The following VNN2 variants were observed in gnomAD, a reference collection of about 807,000 sequenced individuals.
VNN2 encodes the protein pantetheine hydrolase VNN2.
Under a neutral mutation model 43.0 loss-of-function variants are expected in VNN2, and 43 were observed. The observed-to-expected ratio is 1.00, with a 90% CI of 0.78 to 1.29. The LOEUF (loss-of-function observed/expected upper bound fraction) is 1.29. VNN2 is among the 50% of genes most tolerant of loss of function. The pLI, the probability that VNN2 is intolerant of heterozygous loss-of-function variation, is 0.00. For synonymous variants in VNN2, 230 were observed against 224.3 expected (o/e 1.03, Z -0.23); for missense variants, 652 against 619.7 (o/e 1.05, Z -0.55).
At chr6:132,745,596 C>A (rs967851008) in intron 6 of VNN2, among the ~76,000 whole-genome samples, 1 of 152,260 alleles carries the variant, frequency 6.6e-6, no homozygotes, top group Middle Eastern at 3.4e-3. Flanking sequence ...TAAGTCAGGG[C>A]TTTTTGTTTT....
chr6:132,757,942 G>A, upstream of VNN2: 7 of 1,431,472 alleles, frequency 4.9e-6, no homozygotes, highest in Non-Finnish European at 6.6e-6. Flanking sequence ...TTTACAGAGG[G>A]GAGAATGTTT....
At chr6:132,761,513 A>G (rs890383397), upstream of VNN2, among the ~76,000 whole-genome samples, 1 of 152,096 alleles carries the variant, frequency 6.6e-6, no homozygotes, top group African/African-American at 2.4e-5. Context: ...TACAAAAACT[A>G]GCTGGGCATG....
rs372343490 is a variant in VNN2, at chr6:132,744,371, A to G, written c.1492T>C (p.Ser498Pro). ...AATATTAGCAGGTAAGTTATTGCTG[A>G]ATTGCTGGTCCCACATGAGCTGTAA... ...SLYSSCGTSN[S>P]AITYLLIFIL... Residue 498 changes from serine to proline, a missense_variant, in exon 7 of 7, where the codon TCA (serine) becomes CCA (proline). By Grantham distance (74) the Ser-to-Pro change is moderately conservative. Transcript: ENST00000326499. 1.2e-6 allele frequency: 2 copies of G among 1,613,396 alleles called. No individual in the cohort carries two copies. Among genetic ancestry groups the G allele is most frequent in the Non-Finnish European group, 1.7e-6 (2 of 1,179,844 alleles).
chr6:132,754,989 T>G (rs1484461918), intron 3 of VNN2, among the ~76,000 whole-genome samples: 1 of 152,082 alleles, frequency 6.6e-6, no homozygotes, highest in East Asian at 1.9e-4. Flanking sequence ...GCCTGGGCAA[T>G]GTAGTGAGAC....
rs375466723 is a variant in VNN2 at position 132,744,292 on chromosome 6, G to C, written c.*8C>G. The C allele has an allele frequency of 1.3e-6, 2 of 1,598,520 alleles. No individual in the cohort carries two copies. The highest frequency in any genetic ancestry group is 2.3e-5 in the East Asian group (1 of 44,224). ...TATGATGCAGAAGCTGAGTGATAAAGAGACGCCCTATAACATTACAATATT... is the reference window on the plus strand; with the variant it reads ...TATGATGCAGAAGCTGAGTGATAAACAGACGCCCTATAACATTACAATATT... On this transcript the variant is annotated 3_prime_UTR_variant, in exon 7 of 7. Coordinates refer to ENST00000326499, the MANE Select transcript of VNN2 (RefSeq NM_004665.6).
chr6:132,757,328 G>A (rs542784156), intron 2 of VNN2, 88 bp downstream of exon 2: 4 of 1,464,672 alleles, frequency 2.7e-6, no homozygotes, highest in South Asian at 2.8e-5. Context: ...CCACATATAT[G>A]GTAATTCAAG....
intron 2 of VNN2, 117 bp from the exon 3 acceptor site, chr6:132,756,152 G>T: frequency 3.1e-6 from 3 of 965,240 alleles, no homozygotes; most frequent in Non-Finnish European, 4.5e-6. Context: ...CAAAAACTAT[G>T]CCTAAAAATA....
chr6:132,756,672 T>G (rs772194311), intron 2 of VNN2, among the ~76,000 whole-genome samples: 1 of 152,234 alleles, frequency 6.6e-6, no homozygotes, highest in East Asian at 1.9e-4. Context: ...ACTCTTCTGC[T>G]GATTCCTCGT....
upstream of VNN2, chr6:132,760,779 T>A (rs996093352): frequency 6.6e-6 from 1 of 152,166 alleles, no homozygotes; most frequent in African/African-American, 2.4e-5. Context: ...TGTTCCCAAA[T>A]CTGGATGTTT....
upstream of VNN2, among the ~76,000 whole-genome samples, chr6:132,759,003 C>T (rs1460642204): frequency 2.0e-5 from 3 of 152,112 alleles, no homozygotes; most frequent in South Asian, 2.1e-4. Context: ...TTTTTCCTCC[C>T]TCCCCACCCC....
At chr6:132,747,253 A>G (rs773480354) in intron 6 of VNN2, among the ~76,000 whole-genome samples, 1 of 152,184 alleles carries the variant, frequency 6.6e-6, no homozygotes, top group Non-Finnish European at 1.5e-5. Flanking sequence ...TGTGATTATT[A>G]CACATTGCAT....
chr6:132,757,424 G>T lies in VNN2; in HGVS notation c.336C>A (p.Asp112Glu), dbSNP rs35993077. ...TAAGATAGTTAAAATACCTGTGGGG[G>T]TCTTGACACGGAATCCAGTTCACCT... Reference protein sequence around the residue: ...DPQVNWIPCQDPHRFGHTPVQ... With the variant: ...DPQVNWIPCQEPHRFGHTPVQ... Residue 112 changes from aspartate to glutamate, a missense_variant, in exon 2 of 7, where the codon GAC becomes GAA. Transcript: ENST00000326499. 2.5e-4 allele frequency: 394 copies of T among 1,605,582 alleles called. 2 individuals are homozygous for T. In the African/African-American group the frequency reaches 4.6e-3, roughly 19 times the overall value.
intron 3 of VNN2, chr6:132,753,782 T>G (rs576408809): frequency 7.1e-5 from 13 of 181,832 alleles, no homozygotes; most frequent in Non-Finnish European, 1.4e-4. Context: ...AGAAACCCCA[T>G]CTCTACTAAA....
At chr6:132,753,445 C>T (rs1160937502) in intron 3 of VNN2, 1 of 450,692 alleles carries the variant, frequency 2.2e-6, no homozygotes, top group Non-Finnish European at 4.4e-6. Context: ...GATGTCATCT[C>T]TCTCTTTAGT....
intron 6 of VNN2, among the ~76,000 whole-genome samples, chr6:132,747,062 A>G (rs934602351): frequency 6.6e-6 from 1 of 152,094 alleles, no homozygotes; most frequent in East Asian, 1.9e-4. Flanking sequence ...TCTTCTGCAA[A>G]TGGTCTGGAG....
At chr6:132,750,677 A>G (rs1780015584) in intron 5 of VNN2, among the ~76,000 whole-genome samples, 1 of 148,956 alleles carries the variant, frequency 6.7e-6, no homozygotes, top group Non-Finnish European at 1.5e-5. Context: ...AAAAAAAAAG[A>G]AAAAGAAAAG....
In VNN2 at chr6:132,752,753, C is replaced by G. The variant is rs754061178; in HGVS notation, c.538-4G>C. ...GAGGCTCAGAGTACAGGTGGTACTA[C>G]AACAAATGGATAGGAGAAAACCAGT... is the stretch of plus-strand genomic sequence containing the variant. On this transcript the variant is annotated splice_polypyrimidine_tract_variant and splice_region_variant and intron_variant, in intron 3 of 6. Transcript: ENST00000326499. 1 of 1,608,688 alleles carries G rather than the reference C, an allele frequency of 6.2e-7. No homozygotes were observed. The highest frequency in any genetic ancestry group is 2.2e-5 in the East Asian group (1 of 44,832).
chr6:132,756,077 T>C (rs1780458844), intron 2 of VNN2, 42 bp from the exon 3 acceptor site: 2 of 1,481,784 alleles, frequency 1.3e-6, no homozygotes, highest in Admixed American at 5.1e-5. Context: ...TTTAAAAAAA[T>C]ATTTTAGTCA....
intron 6 of VNN2, among the ~76,000 whole-genome samples, chr6:132,749,375 TGA>T (rs1260581646): frequency 6.6e-6 from 1 of 152,176 alleles, no homozygotes; most frequent in Non-Finnish European, 1.5e-5. Context: ...TGCTGAAAGA[TGA>T]GAGACCACGG....
Sources: gnomAD v4.1 joint callset for allele counts (sites outside exome capture counted in the v4.1 genomes callset) on GRCh38, gnomAD v4.1.1 for gene constraint, MANE v1.5 for transcripts, NCBI Gene and HGNC (gene_info 2026-07-23, HGNC 2026-07-21) for gene names.